Variants in RBM6 observed in about 807,000 individuals in gnomAD.
RBM6 encodes RNA binding motif protein 6, also known as RNA-binding protein 6.
In RBM6, 23 loss-of-function variants were observed where a neutral mutation model predicts 140.4. The ratio of observed to expected loss-of-function variants is 0.16; its 90% confidence interval spans 0.12 to 0.23. RBM6 has a LOEUF of 0.23. RBM6 is among the 10% of genes least tolerant of loss of function. RBM6 has a pLI of 1.00. For synonymous variants in RBM6, 439 were observed against 475.6 expected (o/e 0.92, Z 1.00); for missense variants, 1,139 against 1,386.7 (o/e 0.82, Z 2.84).
intron 4 of RBM6, among the ~76,000 whole-genome samples, chr3:49,974,136 A>G (rs1350639509): frequency 6.6e-6 from 1 of 151,788 alleles, no homozygotes; most frequent in Non-Finnish European, 1.5e-5. Context: ...TGACGTCATG[A>G]TCCGCCTGTC....
intron 15 of RBM6, among the ~76,000 whole-genome samples, chr3:50,062,892 CTTTTTTTT>C (rs36101209): frequency 5.4e-5 from 7 of 128,486 alleles, no homozygotes; most frequent in African/African-American, 2.0e-4. Context: ...TTTCTTTTTC[CTTTTTTTT>C]TTTTTTTTTC....
At chr3:50,052,986 G>GGTGTGTGTGTGTGTGTGTGT (rs57244510) in intron 7 of RBM6, among the ~76,000 whole-genome samples, 2 of 134,658 alleles carry the variant, frequency 1.5e-5, no homozygotes, top group African/African-American at 5.6e-5. Flanking sequence ...AGTGGGCAGG[G>GGTGTGTGTGTGTGTGTGTGT]GTGTGTGTGT....
At chr3:49,975,236 A>G in intron 4 of RBM6, 87 bp from the exon 5 acceptor site, 1 of 1,148,328 alleles carries the variant, frequency 8.7e-7, no homozygotes, top group Admixed American at 1.8e-5. Flanking sequence ...GCTTTAAATT[A>G]TGTATGATAA....
intron 5 of RBM6, among the ~76,000 whole-genome samples, chr3:49,989,291 TG>T (rs1027634701): frequency 2.0e-5 from 3 of 152,142 alleles, no homozygotes; most frequent in African/African-American, 4.8e-5. Context: ...ATAATATTTG[TG>T]GGCCAGGCCC....
chr3:50,057,670 CTTTTTTT>C lies in RBM6; in HGVS notation c.1694-49_1694-43del, dbSNP rs139056065. 1.5e-5 allele frequency: 19 copies of C among 1,239,464 alleles called. No individual in the cohort carries two copies. The East Asian group carries it at 3.3e-4, about 22-fold the overall frequency. The allele number at this position is 1,239,464 out of a possible 1,614,324, so 76.8% of individuals were successfully genotyped here. A position where few individuals can be genotyped will look rare whatever the true frequency, so the allele number is the denominator to read the frequency against. ...AGAAATTACAGTAGCAGTGTTTTTT[CTTTTTTT>C]TTTTTTTTGATAAAGCTTTCTAGAG... On this transcript the variant is annotated intron_variant, in intron 8 of 20. Coordinates refer to ENST00000266022, the MANE Select transcript of RBM6 (RefSeq NM_005777.3).
At position 49,962,823 on chromosome 3, in the gene RBM6, C is replaced by T. The variant is rs371207151; in HGVS notation, c.44+138C>T. 1.2e-4 allele frequency: 100 copies of T among 854,620 alleles called. No homozygotes were observed. The East Asian group carries it at 1.8e-3, about 15-fold the overall frequency. 52.9% of individuals were successfully genotyped at this position (854,620 alleles called of 1,614,324 possible). ...TTTTAAAAATAGAAATTTGGCTGGGCGCGGTGGCTCACGCCTGTAATCCCA... is the reference window on the plus strand; with the variant it reads ...TTTTAAAAATAGAAATTTGGCTGGGTGCGGTGGCTCACGCCTGTAATCCCA... On this transcript the variant is annotated intron_variant, in intron 2 of 20. Transcript: ENST00000266022.
intron 4 of RBM6, among the ~76,000 whole-genome samples, chr3:49,972,870 C>T (rs1007441803): frequency 2.0e-5 from 3 of 152,056 alleles, no homozygotes; most frequent in Non-Finnish European, 2.9e-5. Flanking sequence ...CTTGCTTTGT[C>T]GCCCAGGCTG....
intron 6 of RBM6, among the ~76,000 whole-genome samples, chr3:50,008,058 C>T (rs756604039): frequency 2.0e-5 from 3 of 152,130 alleles, no homozygotes; most frequent in African/African-American, 4.8e-5. Context: ...ATGGTGTCAC[C>T]GCACTCCAGC....
intron 1 of RBM6, among the ~76,000 whole-genome samples, chr3:49,961,020 C>G (rs1317564008): frequency 6.6e-6 from 1 of 150,638 alleles, no homozygotes; most frequent in Non-Finnish European, 1.5e-5. Flanking sequence ...AGCGATCCTC[C>G]CCCACTTCAG....
intron 1 of RBM6, among the ~76,000 whole-genome samples, chr3:49,961,013 G>A (rs562656843): frequency 6.6e-5 from 10 of 150,788 alleles, no homozygotes; most frequent in Non-Finnish European, 1.5e-4. Context: ...GGGTTCAAGC[G>A]ATCCTCCCCC....
intron 6 of RBM6, among the ~76,000 whole-genome samples, chr3:50,004,603 A>G (rs1009293564): frequency 6.6e-6 from 1 of 150,456 alleles, no homozygotes; most frequent in Non-Finnish European, 1.5e-5. Context: ...GTGAGCCACT[A>G]TGCCTGGCCT....
At chr3:50,024,058 C>G in intron 6 of RBM6, among the ~76,000 whole-genome samples, 1 of 152,274 alleles carries the variant, frequency 6.6e-6, no homozygotes, top group African/African-American at 2.4e-5. Context: ...AGATAAACTT[C>G]CCATAATGAC....
At chr3:50,076,940 G>T in intron 20 of RBM6, 68 bp from the exon 21 acceptor site, 5 of 1,483,858 alleles carry the variant, frequency 3.4e-6, no homozygotes, top group South Asian at 1.3e-5. Flanking sequence ...AAATGCCTGT[G>T]GTCAAAGACC....
At chr3:49,955,160 CTTT>C (rs869272546) in intron 1 of RBM6, among the ~76,000 whole-genome samples, 23 of 72,708 alleles carry the variant, frequency 3.2e-4, no homozygotes, top group Non-Finnish European at 4.4e-4. Flanking sequence ...TTTTTTCTTT[CTTT>C]TTTTTTTTTT....
At chr3:50,076,300 G>C (rs1333073883) in intron 20 of RBM6, among the ~76,000 whole-genome samples, 2 of 151,624 alleles carry the variant, frequency 1.3e-5, no homozygotes, top group African/African-American at 4.8e-5. Flanking sequence ...ATCCTGCCAG[G>C]GTCCGGGCGC....
intron 7 of RBM6, among the ~76,000 whole-genome samples, chr3:50,050,502 C>G (rs1332359577): frequency 6.6e-6 from 1 of 152,068 alleles, no homozygotes; most frequent in Non-Finnish European, 1.5e-5. Flanking sequence ...AATAATAGAA[C>G]CTTTGTGTGC....
At chr3:50,019,410 A>G (rs1414639328) in intron 6 of RBM6, among the ~76,000 whole-genome samples, 4 of 152,090 alleles carry the variant, frequency 2.6e-5, no homozygotes, top group Non-Finnish European at 5.9e-5. Flanking sequence ...TATACCTTTT[A>G]TGTCCTTTTC....
chr3:50,011,873 CA>C (rs1264208045), intron 6 of RBM6, among the ~76,000 whole-genome samples: 2 of 146,340 alleles, frequency 1.4e-5, no homozygotes, highest in Non-Finnish European at 3.0e-5. Context: ...TTTTCTGGGA[CA>C]CAGGATCTTG....
At chr3:50,048,842 G>C (rs2089336371) in intron 7 of RBM6, among the ~76,000 whole-genome samples, 1 of 151,900 alleles carries the variant, frequency 6.6e-6, no homozygotes, top group Non-Finnish European at 1.5e-5. Context: ...TCATTCTGTT[G>C]CCCAGGCTAG....
Sources: allele counts gnomAD v4.1 joint callset (sites outside exome capture counted in the v4.1 genomes callset), GRCh38; gene constraint gnomAD v4.1.1; transcripts MANE v1.5; gene names NCBI Gene and HGNC (gene_info 2026-07-23, HGNC 2026-07-21).